Variants in KCNIP4 observed in about 807,000 individuals in gnomAD.
KCNIP4 encodes Kv channel-interacting protein 4.
In KCNIP4, 12 loss-of-function variants were observed where a neutral mutation model predicts 34.0. That is an observed-to-expected ratio of 0.35 (90% confidence interval 0.23 to 0.57). The LOEUF (loss-of-function observed/expected upper bound fraction) is 0.57. Ranked by LOEUF, KCNIP4 falls within the 20% of genes least tolerant of loss-of-function variation. KCNIP4 has a pLI of 0.83. For synonymous variants in KCNIP4, 124 were observed against 102.2 expected, an observed-to-expected ratio of 1.21 and a Z score of -1.29; for missense variants, 238 against 311.7, an observed-to-expected ratio of 0.76 and a Z score of 1.78.
intron 3 of KCNIP4, among the ~76,000 whole-genome samples, chr4:20,765,987 A>G (rs976894303): frequency 6.6e-6 from 1 of 152,202 alleles, no homozygotes; most frequent in African/African-American, 2.4e-5. Flanking sequence ...CTATTGTAAT[A>G]ATCAGCATAA....
intron 1 of KCNIP4, among the ~76,000 whole-genome samples, chr4:21,141,283 G>A (rs1751930421): frequency 6.6e-6 from 1 of 151,954 alleles, no homozygotes; most frequent in African/African-American, 2.4e-5. Flanking sequence ...ATCTTCAATT[G>A]GTAAAATACA....
At chr4:20,798,374 A>G (rs1444534722) in intron 3 of KCNIP4, among the ~76,000 whole-genome samples, 1 of 152,180 alleles carries the variant, frequency 6.6e-6, no homozygotes, top group African/African-American at 2.4e-5. Context: ...TGTCTAAAGG[A>G]TAAAAGCGGT....
intron 1 of KCNIP4, among the ~76,000 whole-genome samples, chr4:20,935,047 T>C (rs1387118922): frequency 6.6e-6 from 1 of 152,194 alleles, no homozygotes; most frequent in African/African-American, 2.4e-5. Flanking sequence ...CACCTTTCCA[T>C]GTCTCCATGT....
chr4:20,856,415 T>C (rs1721574299), intron 2 of KCNIP4, among the ~76,000 whole-genome samples: 1 of 152,208 alleles, frequency 6.6e-6, no homozygotes, highest in Non-Finnish European at 1.5e-5. Context: ...TCCCATACTA[T>C]GCAAAATTGG....
At chr4:21,033,237 G>T (rs2149767104) in intron 1 of KCNIP4, among the ~76,000 whole-genome samples, 1 of 152,104 alleles carries the variant, frequency 6.6e-6, no homozygotes, top group Middle Eastern at 3.4e-3. Context: ...CTTCCTCTTA[G>T]TATCTCTCTG....
intron 1 of KCNIP4, among the ~76,000 whole-genome samples, chr4:21,860,442 C>G (rs756157975): frequency 2.6e-5 from 4 of 152,078 alleles, no homozygotes; most frequent in Non-Finnish European, 5.9e-5. Flanking sequence ...CCAGATTTGT[C>G]AAGAATTTAG....
chr4:21,683,780 G>A (rs1177791183), intron 1 of KCNIP4, among the ~76,000 whole-genome samples: 9 of 152,116 alleles, frequency 5.9e-5, no homozygotes, highest in South Asian at 4.2e-4. Flanking sequence ...AGATCATGTC[G>A]TTTGTGGGAA....
chr4:21,422,836 T>C (rs1233113851), intron 1 of KCNIP4, among the ~76,000 whole-genome samples: 1 of 152,124 alleles, frequency 6.6e-6, no homozygotes, highest in East Asian at 1.9e-4. Flanking sequence ...TAGAGAACTA[T>C]GGCATGGAGA....
At chr4:21,039,348 C>T (rs1299172370) in intron 1 of KCNIP4, among the ~76,000 whole-genome samples, 2 of 145,590 alleles carry the variant, frequency 1.4e-5, no homozygotes, top group East Asian at 2.0e-4. Context: ...CCAGCCTGGG[C>T]GATGGAGCAA....
rs568006249 is a variant in KCNIP4 at position 21,576,818 on chromosome 4, G to A, written c.61+371753C>T. The stretch of plus-strand genomic sequence containing the variant: ...ATTTCTTCAAACAGTACATTCAACT[G>A]AAACTTCTTAAGGTTTTAACCACTG... On this transcript the variant is annotated intron_variant, in intron 1 of 8. Coordinates refer to ENST00000382152, the MANE Select transcript of KCNIP4 (RefSeq NM_025221.6). Among the ~76,000 whole-genome samples, 66 of 152,118 alleles carry A rather than the reference G, an allele frequency of 4.3e-4. 1 individual carries two copies. Among genetic ancestry groups the A allele is most frequent in the South Asian group, 3.5e-3 (17 of 4,808 alleles).
intron 3 of KCNIP4, among the ~76,000 whole-genome samples, chr4:20,834,046 G>A (rs1254598872): frequency 1.3e-5 from 2 of 152,178 alleles, no homozygotes; most frequent in Non-Finnish European, 2.9e-5. Context: ...GCTCAAGAGG[G>A]AATTTAGAGT....
At chr4:21,086,320 T>C (rs572094180) in intron 1 of KCNIP4, among the ~76,000 whole-genome samples, 2 of 152,324 alleles carry the variant, frequency 1.3e-5, no homozygotes, top group South Asian at 2.1e-4. Context: ...TCAGACTCTA[T>C]TGCAATTATC....
chr4:21,629,476 G>A (rs930520258), intron 1 of KCNIP4, among the ~76,000 whole-genome samples: 1 of 152,130 alleles, frequency 6.6e-6, no homozygotes, highest in African/African-American at 2.4e-5. Context: ...GCCCCTATTT[G>A]ATGCCCTGTT....
chr4:21,462,337 G>C (rs1029241361), intron 1 of KCNIP4, among the ~76,000 whole-genome samples: 1 of 152,150 alleles, frequency 6.6e-6, no homozygotes, highest in East Asian at 1.9e-4. Context: ...GAAGGCAAGG[G>C]GGAGCAAGTC....
chr4:21,423,180 TTAGA>T lies in KCNIP4; in HGVS notation c.61+525387_61+525390del, dbSNP rs539357479. On this transcript the variant is annotated intron_variant, in intron 1 of 8. Transcript: ENST00000382152. The stretch of plus-strand genomic sequence containing the variant: ...ATTTCTTTTGCACTCAGACGCTATC[TTAGA>T]TAGGTAGGAGGAAAAGCAACAAAAC... Among the ~76,000 whole-genome samples, 923 of 152,256 alleles carry T rather than the reference TTAGA, an allele frequency of 6.1e-3. 2 individuals carry two copies. Among genetic ancestry groups the T allele is most frequent in the Non-Finnish European group, 7.6e-3 (517 of 68,022 alleles).
intron 1 of KCNIP4, among the ~76,000 whole-genome samples, chr4:20,990,886 T>C (rs1004458153): frequency 3.3e-5 from 5 of 152,216 alleles, no homozygotes; most frequent in Non-Finnish European, 5.9e-5. Context: ...ATAATAATGA[T>C]CATTATCCCT....
intron 1 of KCNIP4, among the ~76,000 whole-genome samples, chr4:21,334,507 G>C (rs1320267480): frequency 6.6e-6 from 1 of 151,956 alleles, no homozygotes; most frequent in Non-Finnish European, 1.5e-5. Flanking sequence ...TTTTAAAATA[G>C]CTTTTTTTGA....
At chr4:20,919,793 G>A (rs1190659600) in intron 1 of KCNIP4, among the ~76,000 whole-genome samples, 1 of 151,772 alleles carries the variant, frequency 6.6e-6, no homozygotes, top group Non-Finnish European at 1.5e-5. Flanking sequence ...GTACATGGAA[G>A]GTGCTCAATA....
intron 1 of KCNIP4, among the ~76,000 whole-genome samples, chr4:21,647,891 T>C: frequency 8.1e-6 from 1 of 123,952 alleles, no homozygotes; most frequent in East Asian, 4.7e-4. Context: ...TTTTTTTTTT[T>C]TAGACAGTGT....
Sources: allele counts gnomAD v4.1 joint callset (sites outside exome capture counted in the v4.1 genomes callset), GRCh38; gene constraint gnomAD v4.1.1; transcripts MANE v1.5; gene names NCBI Gene and HGNC (gene_info 2026-07-23, HGNC 2026-07-21).